The following GRIP1 variants were observed in gnomAD, a reference collection of about 807,000 sequenced individuals.
The protein encoded by GRIP1 is glutamate receptor-interacting protein 1.
GRIP1 carries 45 observed loss-of-function variants against 129.9 expected under a neutral mutation model. The ratio of observed to expected loss-of-function variants is 0.35; its 90% CI spans 0.27 to 0.44. GRIP1 has a LOEUF of 0.44. Ranked by LOEUF, GRIP1 falls within the 20% of genes least tolerant of loss-of-function variation. The pLI, the probability that GRIP1 is intolerant of heterozygous loss-of-function variation, is 1.00. For synonymous variants in GRIP1, 530 were observed against 520.8 expected, an observed-to-expected ratio of 1.02 and a Z score of -0.24; for missense variants, 1,196 against 1,396.8, an observed-to-expected ratio of 0.86 and a Z score of 2.29.
chr12:66,856,016 G>C (rs2039996659), intron 1 of GRIP1, among the ~76,000 whole-genome samples: 1 of 151,934 alleles, frequency 6.6e-6, no homozygotes, highest in African/African-American at 2.4e-5. Flanking sequence ...CTCAGTGATT[G>C]TGAGCCCAGA....
intron 1 of GRIP1, among the ~76,000 whole-genome samples, chr12:66,621,072 G>A (rs978084392): frequency 2.4e-4 from 37 of 152,086 alleles, no homozygotes; most frequent in Non-Finnish European, 4.6e-4. Context: ...AAAGCAGAGC[G>A]ATTTCATTTA....
At chr12:66,960,200 T>A (rs2041902951) in intron 1 of GRIP1, among the ~76,000 whole-genome samples, 1 of 152,092 alleles carries the variant, frequency 6.6e-6, no homozygotes, top group Non-Finnish European at 1.5e-5. Flanking sequence ...CTGAGTCATG[T>A]GGGGAATGAA....
intron 1 of GRIP1, among the ~76,000 whole-genome samples, chr12:66,832,212 C>T (rs1047662433): frequency 6.6e-6 from 1 of 152,142 alleles, no homozygotes; most frequent in Non-Finnish European, 1.5e-5. Context: ...GAAATTCTTA[C>T]CTTAGTTTGC....
chr12:66,533,980 G>A (rs768318850), intron 4 of GRIP1, among the ~76,000 whole-genome samples: 10 of 151,910 alleles, frequency 6.6e-5, no homozygotes, highest in Non-Finnish European at 7.4e-5. Flanking sequence ...ACCAGTCTTG[G>A]CCTTGGGTCG....
rs74098151 is a variant in GRIP1, at chr12:66,932,516, G to A, written c.58+136534C>T. ...TGAGGGCTCCTCTGTGCCAGGCTCT[G>A]AGACTTAAGCGAATAGGTCACTTAA... On this transcript the variant is annotated intron_variant, in intron 1 of 1. Coordinates refer to the GRIP1 transcript ENST00000643019. Among the ~76,000 whole-genome samples the A allele has an allele frequency of 3.1e-3, 474 of 152,014 alleles. 4 individuals carry two copies. The highest frequency in any genetic ancestry group is 0.01 in the African/African-American group (434 of 41,466).
intron 5 of GRIP1, among the ~76,000 whole-genome samples, chr12:66,522,331 T>C (rs548025580): frequency 6.6e-6 from 1 of 152,298 alleles, no homozygotes; most frequent in South Asian, 2.1e-4. Flanking sequence ...GGCAGCAGCA[T>C]TTGCGGATCA....
At chr12:66,434,121 A>G (rs372110431) in intron 13 of GRIP1, among the ~76,000 whole-genome samples, 10 of 152,184 alleles carry the variant, frequency 6.6e-5, no homozygotes, top group African/African-American at 1.7e-4. Context: ...TGATTTTTCA[A>G]CTCAGAAGTT....
chr12:66,961,152 A>T (rs1340562090), intron 1 of GRIP1, among the ~76,000 whole-genome samples: 3 of 152,150 alleles, frequency 2.0e-5, no homozygotes, highest in African/African-American at 7.2e-5. Flanking sequence ...CAGCATATAC[A>T]ATACTCCCTT....
chr12:66,892,947 T>C (rs559655904), intron 1 of GRIP1, among the ~76,000 whole-genome samples: 11 of 152,242 alleles, frequency 7.2e-5, no homozygotes, highest in Non-Finnish European at 1.5e-4. Context: ...GCCTAGGTGA[T>C]AGAGCAAGAC....
chr12:66,992,494 A>T (rs1048256676), intron 1 of GRIP1, among the ~76,000 whole-genome samples: 1 of 152,194 alleles, frequency 6.6e-6, no homozygotes, highest in Admixed American at 6.5e-5. Flanking sequence ...TTAAATATCA[A>T]CAAGTCCTGA....
At chr12:66,899,549 G>C (rs2040811268) in intron 1 of GRIP1, among the ~76,000 whole-genome samples, 1 of 151,724 alleles carries the variant, frequency 6.6e-6, no homozygotes, top group Admixed American at 6.6e-5. Context: ...ATTTTTTATA[G>C]AGATGAGGTC....
intron 19 of GRIP1, among the ~76,000 whole-genome samples, chr12:66,391,990 T>C (rs112619932): frequency 5.3e-5 from 8 of 152,332 alleles, no homozygotes; most frequent in African/African-American, 1.7e-4. Flanking sequence ...GGGGCCTGTA[T>C]TGAACGAGCC....
At position 66,470,479 on chromosome 12, in the gene GRIP1, C is replaced by T. The variant is rs150404093; in HGVS notation, c.725-5057G>A. Among the ~76,000 whole-genome samples, 432 of 151,948 alleles carry T rather than the reference C, an allele frequency of 2.8e-3. 1 individual carries two copies. In the Middle Eastern group the frequency reaches 0.037, roughly 13 times the overall value. On this transcript the variant is annotated intron_variant, in intron 7 of 24. Coordinates refer to ENST00000359742, the MANE Select transcript of GRIP1 (RefSeq NM_001366722.1). ...CAACTGCTCTGCTCAAATGTCACAT[C>T]CTCAGGGATTACTGCCCTGACCTGC...
At chr12:66,768,143 G>A (rs1194498634) in intron 1 of GRIP1, among the ~76,000 whole-genome samples, 3 of 152,180 alleles carry the variant, frequency 2.0e-5, no homozygotes, top group African/African-American at 7.2e-5. Context: ...ATTGAAGGTG[G>A]AGGCAGAGCA....
intron 7 of GRIP1, among the ~76,000 whole-genome samples, chr12:66,481,032 A>G (rs929647617): frequency 6.6e-6 from 1 of 152,138 alleles, no homozygotes; most frequent in African/African-American, 2.4e-5. Context: ...TACCAAAAGC[A>G]ATGGCAACAA....
chr12:66,596,156 G>T (rs1267036331), intron 2 of GRIP1, among the ~76,000 whole-genome samples: 1 of 152,134 alleles, frequency 6.6e-6, no homozygotes, highest in Non-Finnish European at 1.5e-5. Context: ...ATTTTTCCAT[G>T]AATTATTTAG....
intron 1 of GRIP1, among the ~76,000 whole-genome samples, chr12:67,063,432 A>G (rs1261927854): frequency 2.6e-5 from 4 of 152,240 alleles, no homozygotes; most frequent in Admixed American, 6.5e-5. Context: ...TACCTAAATG[A>G]GTAGGCTTCT....
intron 7 of GRIP1, among the ~76,000 whole-genome samples, chr12:66,476,066 C>T (rs566728464): frequency 3.0e-4 from 45 of 152,116 alleles, no homozygotes; most frequent in Non-Finnish European, 4.9e-4. Flanking sequence ...TTCAAAAAAT[C>T]AATGAATCCA....
intron 1 of GRIP1, among the ~76,000 whole-genome samples, chr12:66,986,510 G>A (rs1327462447): frequency 1.3e-5 from 2 of 149,598 alleles, no homozygotes; most frequent in East Asian, 3.9e-4. Context: ...AAAAAATGAT[G>A]AGTTCATGTC....
Sources: gnomAD v4.1 joint callset for allele counts (sites outside exome capture counted in the v4.1 genomes callset) on GRCh38, gnomAD v4.1.1 for gene constraint, MANE v1.5 for transcripts, NCBI Gene and HGNC (gene_info 2026-07-23, HGNC 2026-07-21) for gene names.